Variants in HACD3 observed in about 807,000 individuals in gnomAD.
HACD3 encodes the protein 3-hydroxyacyl-CoA dehydratase 3.
HACD3 carries 30 observed loss-of-function variants against 55.2 expected under a neutral mutation model. The ratio of observed to expected loss-of-function variants is 0.54; its 90% CI spans 0.41 to 0.74. The LOEUF (loss-of-function observed/expected upper bound fraction) is 0.74, where lower values mean the gene tolerates loss of function less well. HACD3 is among the 30% of genes least tolerant of loss of function. The pLI is 0.00. For missense variants in HACD3, 363 were observed against 440.1 expected (o/e 0.82, Z 1.57); for synonymous variants, 141 against 151.7 (o/e 0.93, Z 0.52).
rs1413828170 is a variant in HACD3, at chr15:65,556,815, C to T, written c.281C>T (p.Thr94Ile). Residue 94 changes from threonine to isoleucine, a missense_variant, in exon 4 of 11, where the codon ACA (threonine) becomes ATA (isoleucine). Transcript: ENST00000261875. ...KKVSQWWERL[T>I]KQEKRPLFLA... ...GTGAGTCAGTGGTGGGAGAGACTCA[C>T]AAAGCAGGAAAAGCGACCACTGTTT... 1 of 1,612,456 alleles carries T rather than the reference C, an allele frequency of 6.2e-7. No homozygotes were observed.
intron 10 of HACD3, among the ~76,000 whole-genome samples, chr15:65,573,237 CCT>C (rs2072368559): frequency 1.3e-5 from 2 of 152,086 alleles, no homozygotes; most frequent in Admixed American, 1.3e-4. Context: ...AAGAAAGAAA[CCT>C]AAATTATTAC....
intron 3 of HACD3, 67 bp from the exon 4 acceptor site, chr15:65,556,672 G>T: frequency 1.4e-6 from 2 of 1,452,634 alleles, no homozygotes; most frequent in South Asian, 1.3e-5. Context: ...TATGTACGGC[G>T]CCCCTGGCAT....
At chr15:65,555,356 C>G (rs1417928172) in intron 3 of HACD3, among the ~76,000 whole-genome samples, 1 of 152,190 alleles carries the variant, frequency 6.6e-6, no homozygotes, top group African/African-American at 2.4e-5. Context: ...CCAGGGGTTA[C>G]TTTCATGTGA....
At chr15:65,558,040 A>G (rs1284284917) in intron 4 of HACD3, among the ~76,000 whole-genome samples, 1 of 149,058 alleles carries the variant, frequency 6.7e-6, no homozygotes, top group Admixed American at 6.8e-5. Flanking sequence ...TGGAACAGCC[A>G]TTTCTTCAAG....
chr15:65,556,586 C>T (rs1286579356), intron 3 of HACD3, among the ~76,000 whole-genome samples, 153 bp from the exon 4 acceptor site: 2 of 152,138 alleles, frequency 1.3e-5, no homozygotes. Flanking sequence ...TTGGAGACCC[C>T]TGGTCTAGAT....
intron 2 of HACD3, chr15:65,553,097 T>G (rs565644177): frequency 1.3e-5 from 2 of 152,462 alleles, no homozygotes. Flanking sequence ...ATGGAACGCT[T>G]CACGAATTTG....
In HACD3 at chr15:65,535,857, A is replaced by G. The variant is rs1458462590; in HGVS notation, c.87+5139A>G. ...CAGGTACCTGCCTAGCTAATTTTCA[A>G]TTTTTTAATTTTTTTAGAGGTGGGG... On this transcript the variant is annotated intron_variant, in intron 1 of 10. Coordinates refer to ENST00000261875, the MANE Select transcript of HACD3 (RefSeq NM_016395.4). 2.3e-5 allele frequency: 13 copies of G among 576,596 alleles called. No individual in the cohort carries two copies. The East Asian group carries it at 2.4e-4, about 11-fold the overall frequency. The allele number at this position is 576,596 out of a possible 1,614,324, so 35.7% of individuals were successfully genotyped here.
Position 65,576,973 on chromosome 15 carries a change from T to C in HACD3, c.*594T>C, listed in dbSNP as rs2072408463. On this transcript the variant is annotated 3_prime_UTR_variant, in exon 11 of 11. Transcript: ENST00000261875. ...TCCTTTGGCCTAACAACATCTATTA[T>C]TATAGTGCTCAGCAGTGTGGGCATT... The C allele has an allele frequency of 6.6e-6, 1 of 152,494 alleles. No individual in the cohort carries two copies. Among genetic ancestry groups the C allele is most frequent in the African/African-American group, 2.4e-5 (1 of 41,452 alleles). The allele number at this position is 152,494 out of a possible 1,614,324, so 9.4% of individuals were successfully genotyped here. A position where few individuals can be genotyped will look rare whatever the true frequency, so the allele number is the denominator to read the frequency against.
chr15:65,562,242 C>G (rs1454230314), intron 5 of HACD3, among the ~76,000 whole-genome samples: 3 of 152,204 alleles, frequency 2.0e-5, no homozygotes, highest in Non-Finnish European at 4.4e-5. Context: ...GTGCAGTGTT[C>G]CCTCCTCCAG....
chr15:65,549,486 G>A (rs1567334241), intron 1 of HACD3, among the ~76,000 whole-genome samples: 1 of 148,396 alleles, frequency 6.7e-6, no homozygotes, highest in East Asian at 2.0e-4. Flanking sequence ...TGTAATCCCA[G>A]CTGCTCGGGA....
At chr15:65,544,351 T>C (rs2141208587) in intron 1 of HACD3, among the ~76,000 whole-genome samples, 1 of 152,232 alleles carries the variant, frequency 6.6e-6, no homozygotes, top group African/African-American at 2.4e-5. Flanking sequence ...GGTGATCAAA[T>C]TGGATAGAAC....
At chr15:65,563,992 A>G (rs1323597397) in intron 6 of HACD3, among the ~76,000 whole-genome samples, 1 of 151,996 alleles carries the variant, frequency 6.6e-6, no homozygotes, top group African/African-American at 2.4e-5. Context: ...AGAAAGGCAT[A>G]TAAGGTGTAC....
At chr15:65,562,968 A>T in intron 6 of HACD3, 84 bp downstream of exon 6, 1 of 1,548,948 alleles carries the variant, frequency 6.5e-7, no homozygotes, top group Non-Finnish European at 8.7e-7. Flanking sequence ...TCTGCCTTTG[A>T]TGTTAATAAT....
At chr15:65,558,772 T>G (rs1452359307) in intron 5 of HACD3, 41 bp downstream of exon 5, 1 of 1,563,062 alleles carries the variant, frequency 6.4e-7, no homozygotes, top group South Asian at 1.2e-5. Context: ...AGTTAACTTG[T>G]GCTAGTGTTG....
chr15:65,532,821 C>G (rs2071915959), intron 1 of HACD3, among the ~76,000 whole-genome samples: 1 of 152,050 alleles, frequency 6.6e-6, no homozygotes, highest in Non-Finnish European at 1.5e-5. Flanking sequence ...TGTTAGCAAT[C>G]CTCTAACACA....
rs372311863 is a variant in HACD3 at position 65,539,631 on chromosome 15, T to G, written c.87+8913T>G. 1.6e-4 allele frequency among the ~76,000 whole-genome samples: 24 copies of G among 152,274 alleles called. 1 individual carries two copies. The South Asian group carries it at 5.0e-3, about 32-fold the overall frequency. ...TGTATGTCTTTATGAGTTGGAAGTTTTGCTTTTTAGAGAAGCTCTTACACA... is the reference window on the plus strand; with the variant it reads ...TGTATGTCTTTATGAGTTGGAAGTTGTGCTTTTTAGAGAAGCTCTTACACA... On this transcript the variant is annotated intron_variant, in intron 1 of 10. Coordinates refer to ENST00000261875, the MANE Select transcript of HACD3 (RefSeq NM_016395.4).
rs954657139 is a variant in HACD3 at position 65,576,794 on chromosome 15, G to A, written c.*415G>A. ...GCAAGACTATGTCACTCTATAGAAG[G>A]CTGTTAAAGTGACTCAGGCAGGAAT... On this transcript the variant is annotated 3_prime_UTR_variant, in exon 11 of 11. Transcript: ENST00000261875. 1.2e-5 allele frequency: 2 copies of A among 162,818 alleles called. No individual in the cohort carries two copies. The highest frequency in any genetic ancestry group is 1.8e-4 in the South Asian group (1 of 5,614). 10.1% of individuals were successfully genotyped at this position (162,818 alleles called of 1,614,324 possible).
At chr15:65,572,167 C>A (rs2072354333) in intron 9 of HACD3, 68 bp from the exon 10 acceptor site, 1 of 1,585,668 alleles carries the variant, frequency 6.3e-7, no homozygotes, top group South Asian at 1.2e-5. Context: ...AGTACTAGGA[C>A]TGGAAGTTCC....
chr15:65,572,184 T>C (rs2072354459), intron 9 of HACD3, 51 bp from the exon 10 acceptor site: 2 of 1,602,412 alleles, frequency 1.2e-6, no homozygotes, highest in South Asian at 2.3e-5. Context: ...TTCCTGTCAT[T>C]AAATGTGACT....
Sources: gnomAD v4.1 joint callset for allele counts (sites outside exome capture counted in the v4.1 genomes callset) on GRCh38, gnomAD v4.1.1 for gene constraint, MANE v1.5 for transcripts, NCBI Gene and HGNC (gene_info 2026-07-23, HGNC 2026-07-21) for gene names.